LINGO1: variants seen among roughly 807,000 people sequenced by gnomAD.
LINGO1 encodes leucine-rich repeat and immunoglobulin-like domain-containing nogo receptor-interacting protein 1.
Under a neutral mutation model 37.3 loss-of-function variants are expected in LINGO1, and 11 were observed. The observed-to-expected ratio is 0.29, with a 90% CI of 0.19 to 0.49. LINGO1 has a LOEUF of 0.49. Among genes scored for constraint, LINGO1 ranks in the 20% least tolerant of loss-of-function variants. The pLI is 0.99. For synonymous variants in LINGO1, 387 were observed against 403.0 expected (o/e 0.96, Z 0.48); for missense variants, 585 against 878.2 (o/e 0.67, Z 4.22).
At chr15:77,701,782 C>T (rs1332574001) in intron 2 of LINGO1, among the ~76,000 whole-genome samples, 1 of 152,206 alleles carries the variant, frequency 6.6e-6, no homozygotes, top group East Asian at 1.9e-4. Context: ...AGTGGAAGCT[C>T]CCTGAGGCCC....
At chr15:77,818,522 G>A (rs2077066975) in intron 1 of LINGO1, among the ~76,000 whole-genome samples, 2 of 152,200 alleles carry the variant, frequency 1.3e-5, no homozygotes, top group South Asian at 4.1e-4. Context: ...AGACGCCCCC[G>A]GCCTCTTGGG....
At chr15:77,646,337 C>T (rs1422999514) in intron 3 of LINGO1, 1 of 401,902 alleles carries the variant, frequency 2.5e-6, no homozygotes, top group Admixed American at 2.7e-5. Flanking sequence ...AGGCGCCTCC[C>T]CAGGATGGAC....
At chr15:77,794,677 TC>T (rs2076858239) in intron 2 of LINGO1, among the ~76,000 whole-genome samples, 1 of 148,454 alleles carries the variant, frequency 6.7e-6, no homozygotes, top group Non-Finnish European at 1.5e-5. Context: ...AAGCTCCACC[TC>T]CCGGGTTCAC....
chr15:77,801,331 A>G (rs1318375226), intron 1 of LINGO1, among the ~76,000 whole-genome samples: 2 of 152,264 alleles, frequency 1.3e-5, no homozygotes, highest in Admixed American at 1.3e-4. Context: ...AACACTCTGC[A>G]GCCATCTGAC....
chr15:77,642,063 A>G, intron 3 of LINGO1: 1 of 445,878 alleles, frequency 2.2e-6, no homozygotes, highest in Non-Finnish European at 4.5e-6. Context: ...TATGCGTGTG[A>G]CATTTCTTGT....
rs147519546 is a variant in LINGO1, at chr15:77,629,438, C to CT, written c.6+2871dup. Among the ~76,000 whole-genome samples, 883 of 152,320 alleles carry CT rather than the reference C, an allele frequency of 5.8e-3. 6 individuals carry two copies. The highest frequency in any genetic ancestry group is 0.017 in the Middle Eastern group (5 of 294). ...CCCTGATTCTGGAGTCCCCTGCTCT[C>CT]TGTGTCTCTGCAGTCTGCTGCTTCC... On this transcript the variant is annotated intron_variant, in intron 1 of 1. Transcript: ENST00000355300.
intron 1 of LINGO1, among the ~76,000 whole-genome samples, chr15:77,625,480 T>C (rs901721389): frequency 1.3e-5 from 2 of 152,160 alleles, no homozygotes; most frequent in South Asian, 2.1e-4. Flanking sequence ...TGAACCCCAA[T>C]GGTTTGGCTC....
chr15:77,739,245 C>T (rs549511196), intron 1 of LINGO1, among the ~76,000 whole-genome samples: 2 of 152,314 alleles, frequency 1.3e-5, no homozygotes, highest in South Asian at 2.1e-4. Flanking sequence ...TTTTTCCTTT[C>T]GCCTTCCATT....
At chr15:77,792,312 C>T (rs1481908102) in intron 2 of LINGO1, among the ~76,000 whole-genome samples, 1 of 152,238 alleles carries the variant, frequency 6.6e-6, no homozygotes, top group African/African-American at 2.4e-5. Context: ...CCGGCCCCAC[C>T]ACCTCTGGTC....
intron 1 of LINGO1, among the ~76,000 whole-genome samples, chr15:77,764,731 T>C (rs1043877151): frequency 2.0e-5 from 3 of 152,188 alleles, no homozygotes; most frequent in African/African-American, 7.2e-5. Context: ...TGGAAGGTGA[T>C]GCAAGCACTG....
rs1260979396 is a variant in LINGO1, at chr15:77,664,164, TGTGTGTGC to T, written c.-13+12917_-13+12924del. Among the ~76,000 whole-genome samples the T allele has an allele frequency of 6.9e-3, 742 of 107,968 alleles. 12 individuals are homozygous for T. The highest frequency in any genetic ancestry group is 0.029 in the African/African-American group (704 of 24,154). The allele number at this position is 107,968 out of a possible 152,430, so 70.8% of individuals were successfully genotyped here. On this transcript the variant is annotated intron_variant, in intron 3 of 3. Coordinates refer to the LINGO1 transcript ENST00000559893. Reference sequence around the variant, plus strand: ...GTGTGTGTGTGTGTGTGTGTGTGTGTGTGTGTGCGCGCGCGCATGCGTTTGCATTCTCA... The same window carrying T: ...GTGTGTGTGTGTGTGTGTGTGTGTGTGCGCGCGCATGCGTTTGCATTCTCA...
At chr15:77,734,799 C>T (rs2141337843) in intron 2 of LINGO1, among the ~76,000 whole-genome samples, 1 of 152,220 alleles carries the variant, frequency 6.6e-6, no homozygotes, top group East Asian at 1.9e-4. Context: ...AAAAGCTGAT[C>T]CCCAAACCTT....
intron 3 of LINGO1, among the ~76,000 whole-genome samples, chr15:77,675,762 A>G (rs1048616022): frequency 5.9e-5 from 9 of 152,178 alleles, no homozygotes; most frequent in African/African-American, 1.9e-4. Context: ...TTACCTTAAT[A>G]ATCAGAAAAA....
intron 1 of LINGO1, among the ~76,000 whole-genome samples, chr15:77,750,517 T>C (rs901295636): frequency 1.3e-5 from 2 of 152,200 alleles, no homozygotes; most frequent in Non-Finnish European, 2.9e-5. Flanking sequence ...TGCTGTTGCC[T>C]CTTCCTGGGA....
intron 3 of LINGO1, among the ~76,000 whole-genome samples, chr15:77,664,306 C>T (rs909967572): frequency 2.6e-5 from 4 of 152,088 alleles, no homozygotes; most frequent in African/African-American, 9.7e-5. Context: ...AGCTGAAATA[C>T]GCTCTTGACA....
chr15:77,708,477 C>T (rs1003006261), intron 2 of LINGO1, among the ~76,000 whole-genome samples: 1 of 152,158 alleles, frequency 6.6e-6, no homozygotes, highest in African/African-American at 2.4e-5. Flanking sequence ...ATAGTGTCCC[C>T]CCAAATTCAT....
intron 1 of LINGO1, among the ~76,000 whole-genome samples, chr15:77,800,555 G>A (rs2076909986): frequency 6.6e-6 from 1 of 152,178 alleles, no homozygotes; most frequent in African/African-American, 2.4e-5. Context: ...GAGAGGAACA[G>A]ACACACAGCT....
intron 2 of LINGO1, among the ~76,000 whole-genome samples, chr15:77,728,862 T>C (rs945946295): frequency 6.6e-6 from 1 of 152,212 alleles, no homozygotes; most frequent in African/African-American, 2.4e-5. Flanking sequence ...AAATAACTAT[T>C]TGTAAATTGC....
At chr15:77,751,027 G>A (rs188568023) in intron 1 of LINGO1, among the ~76,000 whole-genome samples, 35 of 152,230 alleles carry the variant, frequency 2.3e-4, no homozygotes, top group East Asian at 5.8e-4. Flanking sequence ...AGGGTATTCC[G>A]CGGACCATAA....
Sources: allele counts gnomAD v4.1 joint callset (sites outside exome capture counted in the v4.1 genomes callset), GRCh38; gene constraint gnomAD v4.1.1; transcripts MANE v1.5; gene names NCBI Gene and HGNC (gene_info 2026-07-23, HGNC 2026-07-21).